COMP: variants seen among roughly 807,000 people sequenced by gnomAD.
COMP encodes cartilage oligomeric matrix protein.
In COMP, 79 loss-of-function variants were observed where a neutral mutation model predicts 95.8. The observed-to-expected ratio is 0.82, with a 90% confidence interval of 0.69 to 0.99. The LOEUF (loss-of-function observed/expected upper bound fraction) is 0.99. Among genes scored for constraint, COMP ranks in the 50% least tolerant of loss-of-function variants. The pLI is 0.00. For synonymous variants in COMP, 438 were observed against 433.9 expected (o/e 1.01, Z -0.12); for missense variants, 906 against 1,076.1 (o/e 0.84, Z 2.21).
chr19:18,790,818 G>A lies in COMP; in HGVS notation c.165+32C>T, dbSNP rs781163721. 4 of 1,554,910 alleles carry A rather than the reference G, an allele frequency of 2.6e-6. No homozygotes were observed. In the African/African-American group the frequency reaches 5.4e-5, roughly 21 times the overall value. On this transcript the variant is annotated intron_variant, in intron 2 of 18. Coordinates refer to ENST00000222271, the MANE Select transcript of COMP (RefSeq NM_000095.3). The stretch of plus-strand genomic sequence containing the variant: ...GAACTGAGACCCCCTTCCGTTCCCT[G>A]GCACTCCCTGCCCCGCACCCGGGCC...
In COMP at chr19:18,791,198, G is replaced by T; in HGVS notation, c.72C>A (p.Ser24Arg). 1 of 1,586,336 alleles carries T rather than the reference G, an allele frequency of 6.3e-7. No homozygotes were observed. The highest frequency in any genetic ancestry group is 1.2e-5 in the South Asian group (1 of 86,790). The change falls in exon 1 of 19, where the codon AGC becomes AGA. Residue 24 changes from serine (S) to arginine (R), a missense_variant. Transcript: ENST00000222271. ...GGTGCTAACGCGGCTTACCCAACGG[G>T]CTCTGGCCCTGTCCGGACGCGCCGA... ...AALGASGQGQ[S>R]PLGSDLGPQM...
Position 18,788,544 on chromosome 19 carries a change from A to T in COMP, c.763-30T>A. 3 of 1,560,604 alleles carry T rather than the reference A, an allele frequency of 1.9e-6. No homozygotes were observed. Among genetic ancestry groups the T allele is most frequent in the Non-Finnish European group, 2.6e-6 (3 of 1,152,774 alleles). On this transcript the variant is annotated intron_variant, in intron 7 of 18. Transcript: ENST00000222271. The surrounding 1 kb of genome is among the most constrained non-coding windows in gnomAD (Gnocchi z 4.7). ...GGGAGAGTGTAAGTGGGTGCCCTGGAGTGGCCGCCACCCAACCCCGCCTCA... is the reference window on the plus strand; with the variant it reads ...GGGAGAGTGTAAGTGGGTGCCCTGGTGTGGCCGCCACCCAACCCCGCCTCA...
At position 18,788,945 on chromosome 19, in the gene COMP, C is replaced by A; in HGVS notation, c.529-32G>T. On this transcript the variant is annotated intron_variant, in intron 5 of 18. Transcript: ENST00000222271. This position sits in a 1 kb window ranked among gnomAD's most constrained non-coding sequence, Gnocchi z 4.7. ...GAGGGGAACTCAGAGGTCACCACCCCACGCAGACACCTCCGGACCTCCCAC... is the reference window on the plus strand; with the variant it reads ...GAGGGGAACTCAGAGGTCACCACCCAACGCAGACACCTCCGGACCTCCCAC... The A allele has an allele frequency of 6.2e-7, 1 of 1,609,010 alleles. No homozygotes were observed. The highest frequency in any genetic ancestry group is 8.5e-7 in the Non-Finnish European group (1 of 1,177,408).
Position 18,789,937 on chromosome 19 carries a change from C to G in COMP, c.390+5G>C, listed in dbSNP as rs141422555. 6.3e-7 allele frequency: 1 copy of G among 1,592,276 alleles called. No homozygotes were observed. Among genetic ancestry groups the G allele is most frequent in the Non-Finnish European group, 8.5e-7 (1 of 1,177,626 alleles). Reference sequence around the variant, plus strand: ...CAGGGCGGTGGAGTGTCGGGGCTAGCGCACCTCGTTGACGTCGGTGCAGTG... The same window carrying G: ...CAGGGCGGTGGAGTGTCGGGGCTAGGGCACCTCGTTGACGTCGGTGCAGTG... On this transcript the variant is annotated splice_donor_5th_base_variant and intron_variant, in intron 4 of 18. Coordinates refer to ENST00000222271, the MANE Select transcript of COMP (RefSeq NM_000095.3). This position sits in a 1 kb window ranked among gnomAD's most constrained non-coding sequence, Gnocchi z 6.1.
intron 15 of COMP, 96 bp downstream of exon 15, chr19:18,785,402 C>G (rs1568554409): frequency 2.1e-6 from 3 of 1,396,110 alleles, no homozygotes; most frequent in East Asian, 5.1e-5. Context: ...CAGCCCCCTT[C>G]TGGCCCCGCC....
In COMP at chr19:18,788,586, A is replaced by G; in HGVS notation, c.762+6T>C. 6.4e-7 allele frequency: 1 copy of G among 1,555,638 alleles called. No individual in the cohort carries two copies. The highest frequency in any genetic ancestry group is 2.4e-5 in the East Asian group (1 of 41,164). On this transcript the variant is annotated splice_donor_region_variant and intron_variant, in intron 7 of 18. Coordinates refer to ENST00000222271, the MANE Select transcript of COMP (RefSeq NM_000095.3). This position sits in a 1 kb window ranked among gnomAD's most constrained non-coding sequence, Gnocchi z 4.7. ...CCCGCCTCAAGCCCAGCCCGCCCGC[A>G]CTCACCACGCACGACCGCGAGCCAT...
Position 18,788,305 on chromosome 19 carries a change from A to C in COMP, c.882T>G (p.Thr294=), listed in dbSNP as rs768614635. 1 of 1,612,040 alleles carries C rather than the reference A, an allele frequency of 6.2e-7. No individual in the cohort carries two copies. Among genetic ancestry groups the C allele is most frequent in the East Asian group, 2.2e-5 (1 of 44,866 alleles). Residue 294 remains threonine, a synonymous_variant, in exon 9 of 19, where the codon ACT becomes ACG. Coordinates refer to ENST00000222271, the MANE Select transcript of COMP (RefSeq NM_000095.3). This position sits in a 1 kb window ranked among gnomAD's most constrained non-coding sequence, Gnocchi z 4.7. ...ERQCRKDNCV[T]VPNSGQEDVD... is the part of the protein sequence containing the mutation. Reference sequence around the variant, plus strand: ...CATCCTCCTGCCCTGAGTTGGGCACAGTCACGCAGTTGTCCTGGGGGCGGG... The same window carrying C: ...CATCCTCCTGCCCTGAGTTGGGCACCGTCACGCAGTTGTCCTGGGGGCGGG...
chr19:18,789,887 A>T lies in COMP; in HGVS notation c.390+55T>A. ...GAAGGGGTCTCCCGGGCGGCGAGAG[A>T]TTGGGGGGCGGTAGAGGGAGTCGTC... On this transcript the variant is annotated intron_variant, in intron 4 of 18. Coordinates refer to ENST00000222271, the MANE Select transcript of COMP (RefSeq NM_000095.3). The surrounding 1 kb of genome is among the most constrained non-coding windows in gnomAD (Gnocchi z 6.1). 1 of 1,579,242 alleles carries T rather than the reference A, an allele frequency of 6.3e-7. No individual in the cohort carries two copies. The highest frequency in any genetic ancestry group is 1.1e-5 in the South Asian group (1 of 89,592).
At chr19:18,785,440 C>A in intron 15 of COMP, 58 bp downstream of exon 15, 3 of 1,606,676 alleles carry the variant, frequency 1.9e-6, no homozygotes, top group South Asian at 2.2e-5. Flanking sequence ...TGCCCCTTCT[C>A]TGGCCCCTCT....
At position 18,782,908 on chromosome 19, in the gene COMP, C is replaced by G. The variant is rs191758256; in HGVS notation, c.*7G>C. 2 of 1,611,108 alleles carry G rather than the reference C, an allele frequency of 1.2e-6. No individual in the cohort carries two copies. Among genetic ancestry groups the G allele is most frequent in the East Asian group, 2.2e-5 (1 of 44,890 alleles). ...GGCTGTCATCCGGCGGGTCCTCACC[C>G]TGGTCCCTAGGCTTGCCGCAGCTGA... On this transcript the variant is annotated 3_prime_UTR_variant, in exon 19 of 19. Transcript: ENST00000222271.
chr19:18,786,792 T>TTTTTTA (rs2055171330), intron 10 of COMP, 142 bp from the exon 11 acceptor site: 1 of 474,508 alleles, frequency 2.1e-6, no homozygotes, highest in African/African-American at 2.7e-5. Flanking sequence ...TTTTTTTTTT[T>TTTTTTA]GAGACAGTCT....
At chr19:18,787,171 A>C in intron 10 of COMP, 1 of 481,686 alleles carries the variant, frequency 2.1e-6, no homozygotes, top group Non-Finnish European at 3.8e-6. Flanking sequence ...CGTGTGTGCC[A>C]CCCTGAGCCC....
chr19:18,785,771 C>T lies in COMP; in HGVS notation c.1570G>A (p.Ala524Thr). The change falls in exon 14 of 19, where the codon GCT becomes ACT. Residue 524 changes from alanine to threonine, a missense_variant. Transcript: ENST00000222271. ...VDKIDVCPEN[A>T]EVTLTDFRAF... ...CTGAAGTCGGTGAGCGTGACTTCAG[C>T]GTTCTCCGGACACACGTCGATCTTG... The T allele has an allele frequency of 6.2e-7, 1 of 1,613,188 alleles. No homozygotes were observed. The highest frequency in any genetic ancestry group is 8.5e-7 in the Non-Finnish European group (1 of 1,179,846).
At chr19:18,786,798 A>T (rs2055171446) in intron 10 of COMP, 148 bp from the exon 11 acceptor site, 1 of 526,090 alleles carries the variant, frequency 1.9e-6, no homozygotes, top group African/African-American at 3.4e-5. Context: ...TTTTTGAGAC[A>T]GTCTCATTGT....
chr19:18,786,210 C>T, intron 12 of COMP, 29 bp downstream of exon 12: 1 of 1,614,172 alleles, frequency 6.2e-7, no homozygotes, highest in South Asian at 1.1e-5. Context: ...AAAGGCTACC[C>T]GGACGCCCAC....
At chr19:18,785,423 C>T in intron 15 of COMP, 75 bp downstream of exon 15, 13 of 1,590,414 alleles carry the variant, frequency 8.2e-6, no homozygotes, top group Non-Finnish European at 1.1e-5. Context: ...CATTCTCAGC[C>T]CGGGCCTGCC....
rs2055164669 is a variant in COMP, at chr19:18,786,041, G to A, written c.1413C>T (p.Asp471=). Reference sequence around the variant, plus strand: ...TGTCAGGGACTCCGTCATTGTCGTCGTCGTCGTCGCAGGCATCACCCTGGC... The same window carrying A: ...TGTCAGGGACTCCGTCATTGTCGTCATCGTCGTCGCAGGCATCACCCTGGC... ...HDGQGDACDD[D]DDNDGVPDSR... is the part of the protein sequence containing the mutation. Residue 471 remains aspartate (D), a synonymous_variant, in exon 13 of 19, where the codon GAC becomes GAT. Transcript: ENST00000222271. The A allele has an allele frequency of 2.5e-6, 4 of 1,613,806 alleles. No homozygotes were observed. Among genetic ancestry groups the A allele is most frequent in the East Asian group, 2.2e-5 (1 of 44,866 alleles).
intron 13 of COMP, 26 bp from the exon 14 acceptor site, chr19:18,785,877 G>A: frequency 6.2e-7 from 1 of 1,608,484 alleles, no homozygotes; most frequent in South Asian, 1.1e-5. Context: ...CCCCTCGGTG[G>A]GCTAAAGTCA....
chr19:18,790,160 G>C (rs1054769629), intron 3 of COMP, 46 bp from the exon 4 acceptor site: 1 of 1,421,678 alleles, frequency 7.0e-7, no homozygotes. Context: ...TCGGTGGCTC[G>C]CCCGGGGGCA....
Sources: allele counts gnomAD v4.1 joint callset, GRCh38; gene constraint gnomAD v4.1.1; non-coding constraint Gnocchi (gnomAD v3.1); transcripts MANE v1.5; gene names NCBI Gene and HGNC (gene_info 2026-07-23, HGNC 2026-07-21).